FTO: variants seen among roughly 807,000 people sequenced by gnomAD.
The protein encoded by FTO is alpha-ketoglutarate-dependent dioxygenase FTO.
A neutral mutation model predicts 63.9 loss-of-function variants in FTO; 47 were observed. The ratio of observed to expected loss-of-function variants is 0.74; its 90% CI spans 0.58 to 0.94. FTO has a LOEUF of 0.94. Among genes scored for constraint, FTO ranks in the 40% least tolerant of loss-of-function variants. FTO has a pLI of 0.00. For synonymous variants in FTO, 207 were observed against 224.4 expected (o/e 0.92, Z 0.69); for missense variants, 562 against 618.1 (o/e 0.91, Z 0.96).
intron 8 of FTO, among the ~76,000 whole-genome samples, chr16:54,094,939 T>G (rs571403726): frequency 1.3e-5 from 2 of 152,202 alleles, no homozygotes; most frequent in South Asian, 4.2e-4. Flanking sequence ...TCACTTAGAG[T>G]AAAATCCAGT....
At chr16:53,943,288 C>A (rs76771304) in intron 8 of FTO, among the ~76,000 whole-genome samples, 1 of 152,140 alleles carries the variant, frequency 6.6e-6, no homozygotes, top group Non-Finnish European at 1.5e-5. Flanking sequence ...AATGTTATTA[C>A]CATTGTTACT....
chr16:54,004,902 C>G (rs1360816392), intron 8 of FTO, among the ~76,000 whole-genome samples: 2 of 151,914 alleles, frequency 1.3e-5, no homozygotes, highest in African/African-American at 4.8e-5. Flanking sequence ...AACCCCATCT[C>G]TACTAAAAAT....
chr16:53,898,603 C>T (rs554296392), intron 7 of FTO, among the ~76,000 whole-genome samples: 223 of 152,312 alleles, frequency 1.5e-3, no homozygotes, highest in Non-Finnish European at 2.9e-3. Context: ...GTACTCGACA[C>T]ATGTTTGTTA....
chr16:53,740,423 G>A (rs573611185), intron 1 of FTO, among the ~76,000 whole-genome samples: 2 of 152,292 alleles, frequency 1.3e-5, no homozygotes, highest in East Asian at 1.9e-4. Flanking sequence ...TTCCTGCTAA[G>A]TGAAGAAAAT....
At chr16:54,098,652 A>G (rs1290208047) in intron 8 of FTO, among the ~76,000 whole-genome samples, 1 of 152,218 alleles carries the variant, frequency 6.6e-6, no homozygotes, top group Non-Finnish European at 1.5e-5. Flanking sequence ...TTGACTTTGC[A>G]GGGGAAAATC....
intron 4 of FTO, among the ~76,000 whole-genome samples, chr16:53,848,216 C>T (rs1010170560): frequency 6.6e-6 from 1 of 152,216 alleles, no homozygotes; most frequent in Non-Finnish European, 1.5e-5. Context: ...CAAGGAGCCC[C>T]GTAGAGGGAG....
At chr16:54,076,786 G>T (rs1454683453) in intron 8 of FTO, among the ~76,000 whole-genome samples, 7 of 152,220 alleles carry the variant, frequency 4.6e-5, no homozygotes, top group African/African-American at 1.4e-4. Context: ...GGCATGAAAG[G>T]CCAGGGTAAT....
At chr16:53,946,583 A>AT (rs199595915) in intron 8 of FTO, among the ~76,000 whole-genome samples, 19 of 151,872 alleles carry the variant, frequency 1.3e-4, no homozygotes, top group African/African-American at 3.1e-4. Flanking sequence ...TTATTCTTAT[A>AT]TTTTTTTTCA....
At position 54,044,947 on chromosome 16, in the gene FTO, G is replaced by A. The variant is rs1160676962; in HGVS notation, c.1365-66815G>A. Among the ~76,000 whole-genome samples, 41 of 107,394 alleles carry A rather than the reference G, an allele frequency of 3.8e-4. 12 individuals are homozygous for A. Among genetic ancestry groups the A allele is most frequent in the Admixed American group, 9.0e-4 (10 of 11,108 alleles). The allele number at this position is 107,394 out of a possible 152,430, so 70.5% of individuals were successfully genotyped here. On this transcript the variant is annotated intron_variant, in intron 8 of 8. Coordinates refer to ENST00000471389, the MANE Select transcript of FTO (RefSeq NM_001080432.3). ...CACCACATAACAGAATCTCTGGGAC[G>A]CATTCAAAGCAGTGTGTAGAGGGAA...
At chr16:53,783,601 C>G (rs2077645287) in intron 1 of FTO, among the ~76,000 whole-genome samples, 1 of 27,254 alleles carries the variant, frequency 3.7e-5, no homozygotes, top group Non-Finnish European at 6.4e-5. Flanking sequence ...GAGCAAGACT[C>G]CATAAAAAAA....
intron 1 of FTO, among the ~76,000 whole-genome samples, chr16:53,795,280 C>T (rs13337696): frequency 0.035 from 5,270 of 152,194 alleles, 100 homozygotes; most frequent in South Asian, 0.08. Flanking sequence ...CATAAAGAGA[C>T]AAAAGATTTT....
At chr16:53,753,999 A>G (rs1295831123) in intron 1 of FTO, among the ~76,000 whole-genome samples, 1 of 152,134 alleles carries the variant, frequency 6.6e-6, no homozygotes, top group Non-Finnish European at 1.5e-5. Context: ...TTTAATTTTT[A>G]TATCTTGCCT....
At chr16:53,770,793 T>C (rs1274085949) in intron 1 of FTO, among the ~76,000 whole-genome samples, 2 of 152,148 alleles carry the variant, frequency 1.3e-5, no homozygotes, top group Non-Finnish European at 2.9e-5. Flanking sequence ...TCAGTTATCA[T>C]GTTTGAAGGC....
At chr16:54,091,574 A>G (rs1000723564) in intron 8 of FTO, among the ~76,000 whole-genome samples, 2 of 152,214 alleles carry the variant, frequency 1.3e-5, no homozygotes, top group Non-Finnish European at 2.9e-5. Flanking sequence ...GGGTACATGC[A>G]TATTAGTTAG....
intron 8 of FTO, among the ~76,000 whole-genome samples, chr16:53,958,203 A>C (rs987733859): frequency 2.6e-5 from 4 of 152,204 alleles, no homozygotes; most frequent in African/African-American, 7.2e-5. Context: ...GAGATCAGTG[A>C]ATCGGCCCAC....
chr16:54,097,557 A>G (rs1334498353), intron 8 of FTO, among the ~76,000 whole-genome samples: 1 of 152,222 alleles, frequency 6.6e-6, no homozygotes. Flanking sequence ...TAGCAGGGAA[A>G]TCAGCTCCCT....
intron 1 of FTO, among the ~76,000 whole-genome samples, chr16:53,794,161 A>G (rs779738059): frequency 4.1e-4 from 63 of 152,206 alleles, no homozygotes; most frequent in Admixed American, 7.9e-4. Context: ...TCACAATGTG[A>G]ATCAGAAGTC....
intron 2 of FTO, among the ~76,000 whole-genome samples, chr16:53,817,428 G>A (rs916944917): frequency 6.6e-6 from 1 of 152,188 alleles, no homozygotes; most frequent in Admixed American, 6.5e-5. Context: ...TAGAAAATGA[G>A]TGATAGGGTG....
At chr16:53,895,785 C>T (rs913595253) in intron 7 of FTO, among the ~76,000 whole-genome samples, 1 of 152,152 alleles carries the variant, frequency 6.6e-6, no homozygotes, top group Non-Finnish European at 1.5e-5. Flanking sequence ...AGTGCCTCTG[C>T]TCTGCACACA....
Sources: allele counts gnomAD v4.1 joint callset (sites outside exome capture counted in the v4.1 genomes callset), GRCh38; gene constraint gnomAD v4.1.1; transcripts MANE v1.5; gene names NCBI Gene and HGNC (gene_info 2026-07-23, HGNC 2026-07-21).